Variants in ZBTB32 observed in about 807,000 individuals in gnomAD.
ZBTB32 encodes the protein zinc finger and BTB domain-containing protein 32.
A neutral mutation model predicts 45.3 loss-of-function variants in ZBTB32; 28 were observed. The observed-to-expected ratio is 0.62, with a 90% CI of 0.46 to 0.85. ZBTB32 has a LOEUF of 0.85. Ranked by LOEUF, ZBTB32 falls within the 40% of genes least tolerant of loss-of-function variation. The probability of loss-of-function intolerance (pLI) is 0.00; values close to 1 mark genes in which losing one functional copy is unlikely to be tolerated. For missense variants in ZBTB32, 587 were observed against 624.4 expected, an observed-to-expected ratio of 0.94 and a Z score of 0.64; for synonymous variants, 283 against 255.7, an observed-to-expected ratio of 1.11 and a Z score of -1.02.
chr19:35,716,107 C>A, intron 5 of ZBTB32, 26 bp from the exon 6 acceptor site: 2 of 1,612,710 alleles, frequency 1.2e-6, no homozygotes, highest in Non-Finnish European at 1.7e-6. Flanking sequence ...TGGCCCTGCC[C>A]TCCTTTGCCT....
chr19:35,716,139 T>C lies in ZBTB32; in HGVS notation c.1031T>C (p.Leu344Pro). The change falls in exon 6 of 7, where the codon CTT becomes CCT. Residue 344 changes from leucine (L) to proline (P), a missense_variant. By Grantham distance (98) the Leu-to-Pro change is moderately conservative. Transcript: ENST00000392197. ...GCCTTCTCTGTCCCCACAGGCGCAC[T>C]TGCAACCTGTGCGGGTCATGAGGAC... is the stretch of plus-strand genomic sequence containing the variant. ...EESDQGHTGA[L>P]ATCAGHEDKA... 6 of 1,613,744 alleles carry C rather than the reference T, an allele frequency of 3.7e-6. No individual in the cohort carries two copies. Among genetic ancestry groups the C allele is most frequent in the South Asian group, 1.1e-5 (1 of 91,010 alleles).
chr19:35,711,739 C>T (rs1205552863), intron 1 of ZBTB32, among the ~76,000 whole-genome samples: 2 of 152,084 alleles, frequency 1.3e-5, no homozygotes, highest in Admixed American at 1.3e-4. Context: ...ATCCTTCCCC[C>T]TTAAGAGAAG....
intron 1 of ZBTB32, among the ~76,000 whole-genome samples, chr19:35,709,943 C>T (rs755641439): frequency 9.9e-5 from 15 of 151,366 alleles, no homozygotes; most frequent in South Asian, 8.3e-4. Flanking sequence ...GGCATGTAGG[C>T]TCACGCCTGT....
chr19:35,706,000 G>A (rs928262858), intron 1 of ZBTB32, among the ~76,000 whole-genome samples: 3 of 151,510 alleles, frequency 2.0e-5, no homozygotes, highest in African/African-American at 7.3e-5. Flanking sequence ...AGGCCAAGGC[G>A]GGCGGATTAC....
At position 35,714,740 on chromosome 19, in the gene ZBTB32, G is replaced by A. The variant is rs376146682; in HGVS notation, c.114G>A (p.Gln38=). The A allele has an allele frequency of 5.6e-6, 9 of 1,614,120 alleles. No homozygotes were observed. The highest frequency in any genetic ancestry group is 7.6e-6 in the Non-Finnish European group (9 of 1,180,032). The part of the protein sequence containing the change: ...LCDTLITVGS[Q]EFPAHSLVLA... ...ATACTCTGATCACCGTAGGGAGCCA[G>A]GAGTTCCCCGCCCACAGCCTGGTGC... Residue 38 remains glutamine (Q), a synonymous_variant, in exon 3 of 7, where the codon CAG becomes CAA. Coordinates refer to ENST00000392197, the MANE Select transcript of ZBTB32 (RefSeq NM_014383.3).
At chr19:35,706,616 A>C (rs547436686) in intron 1 of ZBTB32, among the ~76,000 whole-genome samples, 1 of 152,148 alleles carries the variant, frequency 6.6e-6, no homozygotes, top group Admixed American at 6.5e-5. Context: ...GCTACTTAGG[A>C]GCCTGAGGTA....
chr19:35,715,674 A>G (rs1968854188), intron 3 of ZBTB32, 83 bp from the exon 4 acceptor site: 2 of 1,498,320 alleles, frequency 1.3e-6, no homozygotes, highest in Non-Finnish European at 9.0e-7. Context: ...CCCCCGGGGG[A>G]GGACTTGGGA....
At chr19:35,705,048 G>C (rs1968504566) in intron 1 of ZBTB32, among the ~76,000 whole-genome samples, 1 of 152,206 alleles carries the variant, frequency 6.6e-6, no homozygotes, top group African/African-American at 2.4e-5. Context: ...GCTCACGCCT[G>C]TAATCCCAGC....
rs557269122 is a variant in ZBTB32 at position 35,711,344 on chromosome 19, G to A, written c.-221-1573G>A. Among the ~76,000 whole-genome samples the A allele has an allele frequency of 3.9e-5, 6 of 152,292 alleles. No individual in the cohort carries two copies. The East Asian group carries it at 7.7e-4, about 20-fold the overall frequency. ...TTGGAGGAAGGGTGTTTCCCTCTGC[G>A]TACATACATATCAGAGGGACTGATG... On this transcript the variant is annotated intron_variant, in intron 1 of 6. Transcript: ENST00000392197.
At position 35,714,854 on chromosome 19, in the gene ZBTB32, C is replaced by T. The variant is rs762363258; in HGVS notation, c.228C>T (p.Asn76=). The T allele has an allele frequency of 1.6e-5, 25 of 1,610,768 alleles. No homozygotes were observed. The highest frequency in any genetic ancestry group is 2.7e-5 in the African/African-American group (2 of 74,850). ...CTTCTACCTTTGCCCAGCTCCTGAA[C>T]TTTGTGTATGGGGAGAGTGTAGAGC... ...ISPSTFAQLL[N]FVYGESVELQ... Residue 76 remains asparagine, a synonymous_variant, in exon 3 of 7, where the codon AAC becomes AAT. Transcript: ENST00000392197.
intron 1 of ZBTB32, among the ~76,000 whole-genome samples, chr19:35,706,885 G>A (rs1208870273): frequency 6.6e-6 from 1 of 152,164 alleles, no homozygotes; most frequent in Non-Finnish European, 1.5e-5. Context: ...CTTTAACCAG[G>A]GGTGAGGGTG....
At chr19:35,714,190 A>T (rs1196824074) in intron 2 of ZBTB32, 1 of 154,858 alleles carries the variant, frequency 6.5e-6, no homozygotes, top group Non-Finnish European at 1.4e-5. Flanking sequence ...GTCTGGAATG[A>T]AGAAAGCCTG....
At position 35,716,021 on chromosome 19, in the gene ZBTB32, G is replaced by C; in HGVS notation, c.1024+14G>C. On this transcript the variant is annotated intron_variant, in intron 5 of 6. Coordinates refer to ENST00000392197, the MANE Select transcript of ZBTB32 (RefSeq NM_014383.3). ...AGGGGCACACAGGTGAGTCGGGCGG[G>C]GGCACTCGTGCCTCAGCCCCACTGT... The C allele has an allele frequency of 6.2e-7, 1 of 1,611,220 alleles. No individual in the cohort carries two copies. Among genetic ancestry groups the C allele is most frequent in the Non-Finnish European group, 8.5e-7 (1 of 1,179,868 alleles).
At position 35,716,974 on chromosome 19, in the gene ZBTB32, G is replaced by A; in HGVS notation, c.*222G>A. The A allele has an allele frequency of 1.7e-6, 1 of 590,410 alleles. No homozygotes were observed. The highest frequency in any genetic ancestry group is 2.8e-5 in the East Asian group (1 of 35,730). The allele number at this position is 590,410 out of a possible 1,614,324, so 36.6% of individuals were successfully genotyped here. The stretch of plus-strand genomic sequence containing the variant: ...GACACTGAAGTGTGCAGGAGCGAAG[G>A]TTAACAGTAGGGGAGATTGTCGATC... On this transcript the variant is annotated 3_prime_UTR_variant, in exon 7 of 7. Transcript: ENST00000392197.
Position 35,711,851 on chromosome 19 carries a change from C to T in ZBTB32, c.-221-1066C>T, listed in dbSNP as rs1313173688. On this transcript the variant is annotated intron_variant, in intron 1 of 6. Coordinates refer to ENST00000392197, the MANE Select transcript of ZBTB32 (RefSeq NM_014383.3). ...ACCAGCCTGGCCAACATGGCGAAACCCTGTCACTACTAAAAGTACAAAAAT... is the reference window on the plus strand; with the variant it reads ...ACCAGCCTGGCCAACATGGCGAAACTCTGTCACTACTAAAAGTACAAAAAT... Among the ~76,000 whole-genome samples the T allele has an allele frequency of 2.6e-5, 4 of 151,834 alleles. No homozygotes were observed. The East Asian group carries it at 7.7e-4, about 29-fold the overall frequency.
chr19:35,710,616 T>C (rs1968662440), intron 1 of ZBTB32, among the ~76,000 whole-genome samples: 1 of 151,920 alleles, frequency 6.6e-6, no homozygotes, highest in African/African-American at 2.4e-5. Flanking sequence ...TAGCCGGGTG[T>C]GATGGTGCAT....
chr19:35,712,099 T>TAA (rs1447906440), intron 1 of ZBTB32, among the ~76,000 whole-genome samples: 1 of 151,422 alleles, frequency 6.6e-6, no homozygotes, highest in Non-Finnish European at 1.5e-5. Context: ...CAGAGCAGCT[T>TAA]ACCAGTACCT....
At position 35,711,234 on chromosome 19, in the gene ZBTB32, C is replaced by T. The variant is rs115680184; in HGVS notation, c.-221-1683C>T. On this transcript the variant is annotated intron_variant, in intron 1 of 6. Coordinates refer to ENST00000392197, the MANE Select transcript of ZBTB32 (RefSeq NM_014383.3). Reference sequence around the variant, plus strand: ...GGGGTGACCATGTAATCGTCCAGACCCCTGTACCTTTCCTCATCCCTGGGG... The same window carrying T: ...GGGGTGACCATGTAATCGTCCAGACTCCTGTACCTTTCCTCATCCCTGGGG... 5.9e-3 allele frequency among the ~76,000 whole-genome samples: 900 copies of T among 152,250 alleles called. 5 individuals carry two copies. Among genetic ancestry groups the T allele is most frequent in the African/African-American group, 0.019 (794 of 41,536 alleles).
At chr19:35,707,369 C>A in intron 1 of ZBTB32, among the ~76,000 whole-genome samples, 1 of 119,672 alleles carries the variant, frequency 8.4e-6, no homozygotes. Context: ...CTACCATTTT[C>A]TTTTTTTTTT....
Sources: gnomAD v4.1 joint callset for allele counts (sites outside exome capture counted in the v4.1 genomes callset) on GRCh38, gnomAD v4.1.1 for gene constraint, MANE v1.5 for transcripts, NCBI Gene and HGNC (gene_info 2026-07-23, HGNC 2026-07-21) for gene names.